The following PRKAR1B variants were observed in gnomAD, a reference collection of about 807,000 sequenced individuals.
The protein encoded by PRKAR1B is protein kinase cAMP-dependent type I regulatory subunit beta.
A neutral mutation model predicts 46.5 loss-of-function variants in PRKAR1B; 22 were observed. That is an observed-to-expected ratio of 0.47 (90% CI 0.34 to 0.68). The LOEUF (loss-of-function observed/expected upper bound fraction) is 0.68. PRKAR1B is among the 30% of genes least tolerant of loss of function. The pLI is 0.01. For missense variants in PRKAR1B, 445 were observed against 535.6 expected (o/e 0.83, Z 1.67); for synonymous variants, 259 against 217.7 (o/e 1.19, Z -1.67).
In PRKAR1B at chr7:607,531, C is replaced by G. The variant is rs551735207; in HGVS notation, c.441-79G>C. The G allele has an allele frequency of 1.3e-5, 16 of 1,257,818 alleles. No individual in the cohort carries two copies. In the African/African-American group the frequency reaches 1.8e-4, roughly 14 times the overall value. The allele number at this position is 1,257,818 out of a possible 1,614,324, so 77.9% of individuals were successfully genotyped here. The stretch of plus-strand genomic sequence containing the variant: ...ACCCTTCCTCCCCTCATTTCACAGT[C>G]TTGTGTAAATCGCTTCACAGTCATT... On this transcript the variant is annotated intron_variant, in intron 4 of 10. Transcript: ENST00000537384.
intron 4 of PRKAR1B, among the ~76,000 whole-genome samples, chr7:669,673 A>C (rs1462879236): frequency 6.6e-6 from 1 of 151,294 alleles, no homozygotes; most frequent in African/African-American, 2.4e-5. Flanking sequence ...CTGAGGCAGG[A>C]GAATCACTTG....
intron 4 of PRKAR1B, among the ~76,000 whole-genome samples, chr7:656,983 G>A (rs964648919): frequency 1.1e-4 from 17 of 151,380 alleles, no homozygotes; most frequent in African/African-American, 3.4e-4. Flanking sequence ...ATGGACGGAC[G>A]GATGGATGAA....
At chr7:711,762 G>T (rs180926413) in intron 1 of PRKAR1B, among the ~76,000 whole-genome samples, 2,235 of 152,242 alleles carry the variant, frequency 0.015, 42 homozygotes, top group African/African-American at 0.04. Flanking sequence ...CAGGCAGGGG[G>T]GGAGGGGGCT....
rs1304213545 is a variant in PRKAR1B at position 667,385 on chromosome 7, C to T, written c.440+9844G>A. On this transcript the variant is annotated intron_variant, in intron 4 of 10. Transcript: ENST00000537384. The surrounding 1 kb of genome is among the most constrained non-coding windows in gnomAD (Gnocchi z 4.3). ...TTACTTATAAATGACATCCACAACT[C>T]TCTCCTTCCAAAAGATGTTTTAAAC... Among the ~76,000 whole-genome samples, 1 of 152,170 alleles carries T rather than the reference C, an allele frequency of 6.6e-6. No individual in the cohort carries two copies. The highest frequency in any genetic ancestry group is 1.5e-5 in the Non-Finnish European group (1 of 68,044).
At chr7:685,170 GAGACAA>G in intron 2 of PRKAR1B, among the ~76,000 whole-genome samples, 1 of 147,330 alleles carries the variant, frequency 6.8e-6, no homozygotes, top group East Asian at 2.0e-4. Context: ...ATCTTAAAAA[GAGACAA>G]AGACAGAGAA....
intron 2 of PRKAR1B, among the ~76,000 whole-genome samples, chr7:684,346 C>A (rs925544804): frequency 1.3e-5 from 2 of 152,140 alleles, no homozygotes; most frequent in African/African-American, 4.8e-5. Flanking sequence ...GGAGCTTCCC[C>A]AAAAAAAATG....
At chr7:659,269 G>T (rs567582957) in intron 4 of PRKAR1B, among the ~76,000 whole-genome samples, 30 of 152,298 alleles carry the variant, frequency 2.0e-4, no homozygotes, top group Admixed American at 1.7e-3. Context: ...AGCCAGGTAC[G>T]GTAGGGGGTG....
intron 7 of PRKAR1B, among the ~76,000 whole-genome samples, chr7:588,204 G>C (rs1484979773): frequency 2.0e-5 from 3 of 152,056 alleles, no homozygotes; most frequent in Non-Finnish European, 4.4e-5. Context: ...ATGGGGACAA[G>C]GACCCTAAGG....
At chr7:676,593 G>A (rs899694537) in intron 4 of PRKAR1B, among the ~76,000 whole-genome samples, 3 of 152,216 alleles carry the variant, frequency 2.0e-5, no homozygotes, top group African/African-American at 7.2e-5. Flanking sequence ...AAGGCAGCCG[G>A]GCCTTCCCAG....
chr7:711,249 C>G, intron 2 of PRKAR1B, 80 bp downstream of exon 2: 1 of 1,555,664 alleles, frequency 6.4e-7, no homozygotes. Context: ...GACCACGGGA[C>G]AGAGGGAAGG....
chr7:601,156 C>T (rs563649878), intron 6 of PRKAR1B, among the ~76,000 whole-genome samples: 12 of 152,332 alleles, frequency 7.9e-5, no homozygotes, highest in African/African-American at 2.2e-4. Context: ...ACTTGGCCAG[C>T]GCAGTTAAAT....
intron 8 of PRKAR1B, among the ~76,000 whole-genome samples, chr7:582,548 G>A (rs984646245): frequency 2.0e-5 from 3 of 152,266 alleles, no homozygotes; most frequent in Admixed American, 2.0e-4. Context: ...ATTAATCAGA[G>A]GAACATAAAT....
At chr7:573,866 C>G (rs1319812912) in intron 9 of PRKAR1B, among the ~76,000 whole-genome samples, 1 of 152,218 alleles carries the variant, frequency 6.6e-6, no homozygotes, top group African/African-American at 2.4e-5. Context: ...GTCCCCACAC[C>G]TGTCCTCAGC....
chr7:652,248 C>G (rs1298295034), intron 4 of PRKAR1B, among the ~76,000 whole-genome samples: 1 of 148,752 alleles, frequency 6.7e-6, no homozygotes, highest in African/African-American at 2.5e-5. Flanking sequence ...CACACCCACA[C>G]AGCGCTAGGA....
intron 2 of PRKAR1B, among the ~76,000 whole-genome samples, chr7:689,891 C>T (rs1779315066): frequency 6.6e-6 from 1 of 151,862 alleles, no homozygotes; most frequent in Non-Finnish European, 1.5e-5. Flanking sequence ...CCATGTTAAC[C>T]AGGATGGTCT....
At chr7:636,579 T>C (rs777178960) in intron 4 of PRKAR1B, among the ~76,000 whole-genome samples, 2 of 152,210 alleles carry the variant, frequency 1.3e-5, no homozygotes, top group Non-Finnish European at 2.9e-5. Context: ...AGAATGGTCC[T>C]TTCTGACAGC....
At chr7:661,386 C>G (rs1583376884) in intron 4 of PRKAR1B, among the ~76,000 whole-genome samples, 2 of 71,580 alleles carry the variant, frequency 2.8e-5, no homozygotes, top group African/African-American at 1.3e-4. Context: ...CCCAACAGAT[C>G]CAAATACCTA....
intron 5 of PRKAR1B, among the ~76,000 whole-genome samples, 197 bp downstream of exon 5, chr7:607,194 G>C (rs112220246): frequency 6.6e-6 from 1 of 152,046 alleles, no homozygotes; most frequent in Non-Finnish European, 1.5e-5. Context: ...TAGAGACAGG[G>C]TTTCACCATG....
intron 2 of PRKAR1B, chr7:691,480 G>T: frequency 2.3e-6 from 3 of 1,303,446 alleles, no homozygotes; most frequent in Non-Finnish European, 2.0e-6. Flanking sequence ...TGCAGGCAGG[G>T]CCCCCCAGCG....
Sources: gnomAD v4.1 joint callset for allele counts (sites outside exome capture counted in the v4.1 genomes callset) on GRCh38, gnomAD v4.1.1 for gene constraint, Gnocchi (gnomAD v3.1) non-coding constraint, MANE v1.5 for transcripts, NCBI Gene and HGNC (gene_info 2026-07-23, HGNC 2026-07-21) for gene names.